The following PIBF1 variants were observed in gnomAD, a reference collection of about 807,000 sequenced individuals.
PIBF1 encodes progesterone immunomodulatory binding factor 1.
In PIBF1, 90 loss-of-function variants were observed where a neutral mutation model predicts 112.5. That is an observed-to-expected ratio of 0.80 (90% confidence interval 0.67 to 0.95). The LOEUF (loss-of-function observed/expected upper bound fraction) is 0.95. PIBF1 is among the 40% of genes least tolerant of loss of function. PIBF1 has a pLI of 0.00. For synonymous variants in PIBF1, 301 were observed against 288.6 expected, an observed-to-expected ratio of 1.04 and a Z score of -0.44; for missense variants, 915 against 852.3, an observed-to-expected ratio of 1.07 and a Z score of -0.92.
At chr13:72,960,609 G>A (rs1056069563) in intron 14 of PIBF1, among the ~76,000 whole-genome samples, 1 of 152,116 alleles carries the variant, frequency 6.6e-6, no homozygotes, top group African/African-American at 2.4e-5. Flanking sequence ...ATTCATAAAT[G>A]TTCTTAGTTA....
At chr13:72,956,406 G>A (rs145832197) in intron 14 of PIBF1, among the ~76,000 whole-genome samples, 11 of 152,146 alleles carry the variant, frequency 7.2e-5, no homozygotes, top group African/African-American at 2.6e-4. Flanking sequence ...TGGGGGAAGT[G>A]GTATTGGCAT....
intron 2 of PIBF1, among the ~76,000 whole-genome samples, chr13:72,790,530 G>A (rs570524050): frequency 7.9e-6 from 1 of 126,696 alleles, no homozygotes; most frequent in African/African-American, 2.6e-5. Context: ...TAGATAGATA[G>A]ATAGATAGAT....
At chr13:72,849,586 C>A (rs1236095704) in intron 9 of PIBF1, among the ~76,000 whole-genome samples, 1 of 152,098 alleles carries the variant, frequency 6.6e-6, no homozygotes, top group Admixed American at 6.6e-5. Context: ...TACTGTGGGC[C>A]ATAAAAGCTA....
intron 16 of PIBF1, among the ~76,000 whole-genome samples, chr13:72,997,960 G>T (rs1249390860): frequency 3.3e-5 from 5 of 152,114 alleles, no homozygotes; most frequent in African/African-American, 4.8e-5. Context: ...TGAAATTTTT[G>T]ATCTCTTCAA....
chr13:72,868,828 T>TAAAAAAAAA (rs56290400), intron 10 of PIBF1, among the ~76,000 whole-genome samples: 1 of 114,270 alleles, frequency 8.8e-6, no homozygotes, highest in African/African-American at 3.3e-5. Flanking sequence ...TCCCAAAAAG[T>TAAAAAAAAA]AAAAAAAAAA....
At chr13:72,851,846 A>C (rs1189850277) in intron 9 of PIBF1, among the ~76,000 whole-genome samples, 1 of 152,162 alleles carries the variant, frequency 6.6e-6, no homozygotes, top group Admixed American at 6.5e-5. Context: ...GGAGCTACCA[A>C]CTGTGGGTCT....
intron 16 of PIBF1, among the ~76,000 whole-genome samples, chr13:72,985,998 T>G (rs2043277339): frequency 6.6e-6 from 1 of 151,700 alleles, no homozygotes; most frequent in Admixed American, 6.6e-5. Context: ...AAAAAAAAAT[T>G]TTTTAAAATA....
At chr13:72,967,142 G>T (rs190596657) in intron 15 of PIBF1, among the ~76,000 whole-genome samples, 38 of 152,062 alleles carry the variant, frequency 2.5e-4, no homozygotes, top group African/African-American at 9.1e-4. Context: ...CACCATGTTG[G>T]TCAGGCTGGT....
At chr13:72,858,081 T>C (rs754133176) in intron 10 of PIBF1, among the ~76,000 whole-genome samples, 3 of 151,176 alleles carry the variant, frequency 2.0e-5, no homozygotes, top group Non-Finnish European at 4.4e-5. Flanking sequence ...AGATGGAGTC[T>C]CACTCTGTTG....
At chr13:72,803,843 C>A (rs1382947991) in intron 5 of PIBF1, among the ~76,000 whole-genome samples, 1 of 152,134 alleles carries the variant, frequency 6.6e-6, no homozygotes, top group East Asian at 1.9e-4. Flanking sequence ...TACTGAGGTT[C>A]AATTGTCATC....
chr13:72,859,500 T>A (rs969668485), intron 10 of PIBF1, among the ~76,000 whole-genome samples: 3 of 152,180 alleles, frequency 2.0e-5, no homozygotes, highest in African/African-American at 7.2e-5. Flanking sequence ...TTCTGCATTT[T>A]TGTCAGTGAT....
intron 11 of PIBF1, among the ~76,000 whole-genome samples, chr13:72,907,179 T>A (rs1360220336): frequency 1.3e-5 from 2 of 151,976 alleles, no homozygotes; most frequent in African/African-American, 2.4e-5. Context: ...ATATGGAGAG[T>A]GAGGGATAAT....
chr13:72,815,953 A>G (rs2036251309), intron 5 of PIBF1, among the ~76,000 whole-genome samples: 1 of 152,244 alleles, frequency 6.6e-6, no homozygotes, highest in Non-Finnish European at 1.5e-5. Flanking sequence ...TCTCTTTAAC[A>G]TTAAGATTCA....
chr13:72,917,084 G>A lies in PIBF1; in HGVS notation c.1648G>A (p.Glu550Lys). 6.3e-7 allele frequency: 1 copy of A among 1,578,766 alleles called. No homozygotes were observed. The highest frequency in any genetic ancestry group is 1.2e-5 in the South Asian group (1 of 85,198). The change falls in exon 13 of 18, where the codon GAA (glutamate) becomes AAA (lysine). Residue 550 changes from glutamate (E) to lysine (K), a missense_variant. Physicochemically the swap from Glu to Lys is moderately conservative, Grantham distance 56. Coordinates refer to ENST00000326291, the MANE Select transcript of PIBF1 (RefSeq NM_006346.4). ...ACTTTAATATTTTCCAGTTGAAAAT[G>A]AAGATGAGGCTGAAAGGGTTCTTTT... Reference protein sequence around the residue: ...IIMQTAEIENEDEAERVLFSY... With the variant: ...IIMQTAEIENKDEAERVLFSY...
chr13:72,830,840 G>A (rs1368583944), intron 8 of PIBF1, among the ~76,000 whole-genome samples: 1 of 152,120 alleles, frequency 6.6e-6, no homozygotes, highest in African/African-American at 2.4e-5. Flanking sequence ...AGTTTCAGAA[G>A]GAATGGTACC....
chr13:72,894,057 C>CAAAAAAAAAAAAAAAAAAAA (rs66856837), intron 11 of PIBF1, 108 bp downstream of exon 11: 1 of 82,686 alleles, frequency 1.2e-5, no homozygotes. Flanking sequence ...CTATCCTGCA[C>CAAAAAAAAAAAAAAAAAAAA]AAAAAAAAAA....
intron 14 of PIBF1, among the ~76,000 whole-genome samples, chr13:72,935,521 G>T (rs1028275902): frequency 1.6e-4 from 25 of 152,136 alleles, no homozygotes; most frequent in Non-Finnish European, 2.5e-4. Flanking sequence ...ACAAGTCTTT[G>T]TATGGACGTA....
intron 4 of PIBF1, 35 bp downstream of exon 4, chr13:72,795,592 A>G (rs779232103): frequency 2.3e-6 from 3 of 1,278,306 alleles, no homozygotes; most frequent in African/African-American, 3.0e-5. Flanking sequence ...ACTATGACAT[A>G]TATTTTCAGA....
chr13:72,981,106 G>A (rs1325805054), intron 16 of PIBF1, among the ~76,000 whole-genome samples: 5 of 151,564 alleles, frequency 3.3e-5, no homozygotes, highest in South Asian at 4.2e-4. Context: ...TTCGCCGGGC[G>A]TGGTGGCAGA....
Sources: allele counts gnomAD v4.1 joint callset (sites outside exome capture counted in the v4.1 genomes callset), GRCh38; gene constraint gnomAD v4.1.1; transcripts MANE v1.5; gene names NCBI Gene and HGNC (gene_info 2026-07-23, HGNC 2026-07-21).